Variants in DLGAP2 observed in about 807,000 individuals in gnomAD.
DLGAP2 encodes DLG associated protein 2.
Under a neutral mutation model 100.3 loss-of-function variants are expected in DLGAP2, and 26 were observed. That is an observed-to-expected ratio of 0.26 (90% CI 0.19 to 0.36). The LOEUF (loss-of-function observed/expected upper bound fraction) is 0.36, where lower values mean the gene tolerates loss of function less well. Ranked by LOEUF, DLGAP2 falls within the 10% of genes least tolerant of loss-of-function variation. DLGAP2 has a pLI of 1.00. For missense variants in DLGAP2, 1,858 were observed against 1,453.2 expected (o/e 1.28, Z -4.53); for synonymous variants, 886 against 630.1 (o/e 1.41, Z -6.08).
chr8:1,385,223 C>T lies in DLGAP2; in HGVS notation c.107-116143C>T, dbSNP rs1585322583. 4.8e-5 allele frequency among the ~76,000 whole-genome samples: 3 copies of T among 62,426 alleles called. 1 individual carries two copies. Among genetic ancestry groups the T allele is most frequent in the South Asian group, 1.3e-3 (2 of 1,482 alleles). The allele number at this position is 62,426 out of a possible 152,430, so 41.0% of individuals were successfully genotyped here. ...GTGCACAGTTACCCCGGCCTATGCCCGTCCCCTGAGAACTTGGTGGACAGT... is the reference window on the plus strand; with the variant it reads ...GTGCACAGTTACCCCGGCCTATGCCTGTCCCCTGAGAACTTGGTGGACAGT... On this transcript the variant is annotated intron_variant, in intron 3 of 14. Coordinates refer to ENST00000637795, the MANE Select transcript of DLGAP2 (RefSeq NM_001346810.2).
At chr8:751,433 T>A (rs1173430873) in intron 1 of DLGAP2, among the ~76,000 whole-genome samples, 1 of 152,242 alleles carries the variant, frequency 6.6e-6, no homozygotes, top group Non-Finnish European at 1.5e-5. Flanking sequence ...CCATCTGTCC[T>A]CACTCGGCCG....
chr8:1,227,863 A>T (rs925325047), intron 2 of DLGAP2, among the ~76,000 whole-genome samples: 75 of 152,216 alleles, frequency 4.9e-4, no homozygotes, highest in Admixed American at 8.5e-4. Context: ...ATTGAACTGT[A>T]TTTGGAATTA....
intron 7 of DLGAP2, among the ~76,000 whole-genome samples, chr8:1,627,435 G>A (rs1406816008): frequency 1.3e-5 from 2 of 152,220 alleles, no homozygotes; most frequent in African/African-American, 4.8e-5. Flanking sequence ...CTGAGACACG[G>A]GGGCTGTGAA....
At chr8:1,334,296 C>T (rs1248033816) in intron 3 of DLGAP2, among the ~76,000 whole-genome samples, 1 of 152,226 alleles carries the variant, frequency 6.6e-6, no homozygotes, top group African/African-American at 2.4e-5. Context: ...GCAGCCCTGG[C>T]AGCTCCCTTA....
chr8:947,102 G>C (rs753024567), intron 2 of DLGAP2, among the ~76,000 whole-genome samples: 16 of 152,174 alleles, frequency 1.1e-4, no homozygotes, highest in Admixed American at 7.9e-4. Context: ...GGCATCCCTG[G>C]CTCCGGGTGC....
At chr8:1,576,102 T>G (rs1182742158) in intron 6 of DLGAP2, among the ~76,000 whole-genome samples, 6 of 152,182 alleles carry the variant, frequency 3.9e-5, no homozygotes, top group Non-Finnish European at 8.8e-5. Context: ...AAAGTGTTCC[T>G]ATTTCTCCAC....
chr8:1,550,106 A>T (rs552910002), intron 5 of DLGAP2, among the ~76,000 whole-genome samples: 1 of 152,246 alleles, frequency 6.6e-6, no homozygotes, highest in African/African-American at 2.4e-5. Context: ...CACCCGTGAG[A>T]GGGACCATGT....
chr8:1,201,352 G>A (rs191455636), intron 2 of DLGAP2, among the ~76,000 whole-genome samples: 118 of 152,300 alleles, frequency 7.7e-4, no homozygotes, highest in African/African-American at 2.8e-3. Flanking sequence ...TCCCGCTCAG[G>A]GGCCGTGGGG....
intron 13 of DLGAP2, among the ~76,000 whole-genome samples, chr8:1,694,242 C>G (rs979260941): frequency 6.6e-6 from 1 of 152,126 alleles, no homozygotes; most frequent in Non-Finnish European, 1.5e-5. Flanking sequence ...AGGGGTGGTG[C>G]CTGAGACAGG....
At chr8:1,345,543 A>G (rs1460733288) in intron 3 of DLGAP2, among the ~76,000 whole-genome samples, 1 of 152,228 alleles carries the variant, frequency 6.6e-6, no homozygotes, top group African/African-American at 2.4e-5. Flanking sequence ...TAATCTGATA[A>G]GCCATCTTTA....
intron 4 of DLGAP2, among the ~76,000 whole-genome samples, chr8:1,538,678 C>G (rs933720010): frequency 6.6e-6 from 1 of 152,152 alleles, no homozygotes; most frequent in African/African-American, 2.4e-5. Flanking sequence ...GCCCTCTTTT[C>G]TAGGAATTGG....
chr8:799,450 AGTTGGAAAAAAG>A (rs1341651154), intron 1 of DLGAP2, among the ~76,000 whole-genome samples: 2 of 152,046 alleles, frequency 1.3e-5, no homozygotes, highest in Non-Finnish European at 2.9e-5. Flanking sequence ...CTCTGCTGGG[AGTTGGAAAAAAG>A]GTTGGAAGTT....
At chr8:767,572 GTCTCGAACT>G (rs1821247862) in intron 1 of DLGAP2, among the ~76,000 whole-genome samples, 1 of 152,044 alleles carries the variant, frequency 6.6e-6, no homozygotes, top group African/African-American at 2.4e-5. Flanking sequence ...GGCCAGGCTG[GTCTCGAACT>G]CCTGACCTCG....
At chr8:1,113,813 G>C (rs761956991) in intron 2 of DLGAP2, among the ~76,000 whole-genome samples, 2 of 152,164 alleles carry the variant, frequency 1.3e-5, no homozygotes, top group Non-Finnish European at 2.9e-5. Context: ...TACCTATGCA[G>C]TATGATGCTG....
At chr8:1,266,981 C>T (rs1040952575) in intron 3 of DLGAP2, among the ~76,000 whole-genome samples, 3 of 152,028 alleles carry the variant, frequency 2.0e-5, no homozygotes, top group African/African-American at 4.8e-5. Flanking sequence ...ATAATCCCAG[C>T]ACATTGGGAG....
At chr8:1,249,018 G>C (rs1281724985) in intron 2 of DLGAP2, among the ~76,000 whole-genome samples, 1 of 152,206 alleles carries the variant, frequency 6.6e-6, no homozygotes, top group East Asian at 1.9e-4. Context: ...ATGTTTAGGA[G>C]AGAGGCCCTT....
At chr8:1,045,442 GAGA>G (rs763922459) in intron 2 of DLGAP2, among the ~76,000 whole-genome samples, 3 of 152,184 alleles carry the variant, frequency 2.0e-5, no homozygotes, top group Non-Finnish European at 4.4e-5. Flanking sequence ...ACACTGCGGA[GAGA>G]CTAAATTGAG....
At chr8:1,514,083 C>T (rs1292728398) in intron 4 of DLGAP2, among the ~76,000 whole-genome samples, 2 of 152,224 alleles carry the variant, frequency 1.3e-5, no homozygotes, top group Admixed American at 6.5e-5. Flanking sequence ...TGGAGAAGAG[C>T]TAGGCAGGCA....
intron 6 of DLGAP2, among the ~76,000 whole-genome samples, chr8:1,569,727 A>C (rs1802574289): frequency 6.6e-6 from 1 of 152,208 alleles, no homozygotes; most frequent in Non-Finnish European, 1.5e-5. Flanking sequence ...GAGGCTGCAC[A>C]AGCCACCAAG....
Sources: gnomAD v4.1 joint callset for allele counts (sites outside exome capture counted in the v4.1 genomes callset) on GRCh38, gnomAD v4.1.1 for gene constraint, MANE v1.5 for transcripts, NCBI Gene and HGNC (gene_info 2026-07-23, HGNC 2026-07-21) for gene names.